COG7: variants seen among roughly 807,000 people sequenced by gnomAD.
COG7 encodes conserved oligomeric Golgi complex subunit 7.
COG7 carries 49 observed loss-of-function variants against 91.5 expected under a neutral mutation model. That is an observed-to-expected ratio of 0.54 (90% confidence interval 0.43 to 0.68). The LOEUF (loss-of-function observed/expected upper bound fraction) is 0.68, where lower values mean the gene tolerates loss of function less well. Among genes scored for constraint, COG7 ranks in the 30% least tolerant of loss-of-function variants. The pLI is 0.00. For missense variants in COG7, 895 were observed against 961.3 expected (o/e 0.93, Z 0.91); for synonymous variants, 365 against 388.7 (o/e 0.94, Z 0.72).
intron 10 of COG7, among the ~76,000 whole-genome samples, chr16:23,411,460 A>G (rs954767435): frequency 6.6e-6 from 1 of 152,200 alleles, no homozygotes; most frequent in Non-Finnish European, 1.5e-5. Context: ...ATACCAAACC[A>G]CCACGGGTGA....
At chr16:23,438,094 A>G (rs1308445390) in intron 4 of COG7, among the ~76,000 whole-genome samples, 1 of 152,088 alleles carries the variant, frequency 6.6e-6, no homozygotes, top group Non-Finnish European at 1.5e-5. Flanking sequence ...AAAAAAAAAA[A>G]AAAAAAATTA....
intron 8 of COG7, chr16:23,417,418 TC>T: frequency 2.3e-6 from 1 of 425,730 alleles, no homozygotes; most frequent in South Asian, 2.1e-5. Flanking sequence ...TGGCATCTCT[TC>T]CTCTGGCTCT....
At chr16:23,398,421 T>A (rs1358497583) in intron 13 of COG7, among the ~76,000 whole-genome samples, 1 of 152,264 alleles carries the variant, frequency 6.6e-6, no homozygotes, top group East Asian at 1.9e-4. Context: ...CCCTTTCATT[T>A]ATCTCGCTGA....
rs2142072553 is a variant in COG7 at position 23,413,271 on chromosome 16, GT to G, written c.1409+176del. 4 of 601,976 alleles carry G rather than the reference GT, an allele frequency of 6.6e-6. No homozygotes were observed. The South Asian group carries it at 7.5e-5, about 11-fold the overall frequency. The allele number at this position is 601,976 out of a possible 1,614,324, so 37.3% of individuals were successfully genotyped here. On this transcript the variant is annotated intron_variant, in intron 10 of 16. Transcript: ENST00000307149. ...GCTGGAGGGGTCTTTTTGTTGGTTG[GT>G]TTGGGTTGGGTTTTATTGGTTTGTG...
chr16:23,425,525 A>G (rs1419610512), intron 6 of COG7, among the ~76,000 whole-genome samples: 1 of 151,978 alleles, frequency 6.6e-6, no homozygotes, highest in African/African-American at 2.4e-5. Flanking sequence ...TTTTTTGTAG[A>G]GACGGGGTCT....
chr16:23,448,523 GCTGGTCTGGAACTC>G (rs1447634514), intron 1 of COG7, among the ~76,000 whole-genome samples: 2 of 152,072 alleles, frequency 1.3e-5, no homozygotes, highest in African/African-American at 4.8e-5. Flanking sequence ...GTCTGGAACT[GCTGGTCTGGAACTC>G]CTGGCCTCGA....
chr16:23,448,748 C>G (rs1055848188), intron 1 of COG7, among the ~76,000 whole-genome samples: 6 of 152,170 alleles, frequency 3.9e-5, no homozygotes, highest in African/African-American at 1.4e-4. Flanking sequence ...GGCCTGGGCT[C>G]TGGAGCCAAC....
intron 3 of COG7, among the ~76,000 whole-genome samples, chr16:23,444,068 C>T (rs1596956581): frequency 1.3e-5 from 2 of 151,562 alleles, no homozygotes; most frequent in Non-Finnish European, 2.9e-5. Context: ...AGGATAATCA[C>T]TTGAACCCAG....
At chr16:23,398,576 C>G (rs574229034) in intron 13 of COG7, among the ~76,000 whole-genome samples, 3 of 152,280 alleles carry the variant, frequency 2.0e-5, no homozygotes, top group Admixed American at 6.5e-5. Context: ...CCTGAGGTCC[C>G]CCACAGAGGC....
intron 6 of COG7, among the ~76,000 whole-genome samples, chr16:23,425,801 C>G (rs995200128): frequency 6.6e-6 from 1 of 152,208 alleles, no homozygotes; most frequent in Non-Finnish European, 1.5e-5. Flanking sequence ...GAACTTGCAA[C>G]TTGCCTAGAA....
intron 4 of COG7, among the ~76,000 whole-genome samples, chr16:23,436,299 C>T (rs186274845): frequency 9.2e-5 from 14 of 152,278 alleles, no homozygotes; most frequent in Admixed American, 7.2e-4. Context: ...TAAAAAGTTG[C>T]TTCAGTGTAT....
chr16:23,418,066 A>G (rs1410138396), intron 8 of COG7, among the ~76,000 whole-genome samples: 1 of 152,228 alleles, frequency 6.6e-6, no homozygotes, highest in African/African-American at 2.4e-5. Flanking sequence ...ATTGCCCATG[A>G]GTGCTAAGAT....
At chr16:23,442,436 TAGAG>T in intron 4 of COG7, 37 bp downstream of exon 4, 1 of 1,591,812 alleles carries the variant, frequency 6.3e-7, no homozygotes, top group Non-Finnish European at 8.6e-7. Context: ...CTTATCTTTA[TAGAG>T]AGATATACAC....
intron 7 of COG7, among the ~76,000 whole-genome samples, chr16:23,421,400 TTAA>T (rs1403325889): frequency 6.6e-6 from 1 of 150,648 alleles, no homozygotes; most frequent in African/African-American, 2.4e-5. Context: ...TTCTATATCA[TTAA>T]TTCTTATAAT....
intron 1 of COG7, 141 bp from the exon 2 acceptor site, chr16:23,446,102 C>A: frequency 3.0e-6 from 3 of 1,011,384 alleles, no homozygotes; most frequent in Non-Finnish European, 4.4e-6. Flanking sequence ...GTTTTTGGAG[C>A]CTGCAGAAAA....
At chr16:23,436,049 C>T (rs1317864803) in intron 4 of COG7, among the ~76,000 whole-genome samples, 1 of 151,966 alleles carries the variant, frequency 6.6e-6, no homozygotes, top group Non-Finnish European at 1.5e-5. Context: ...ATGTCCTAGG[C>T]AACACAGGAC....
At chr16:23,442,196 T>G (rs1271660356) in intron 4 of COG7, among the ~76,000 whole-genome samples, 2 of 151,904 alleles carry the variant, frequency 1.3e-5, no homozygotes, top group Non-Finnish European at 2.9e-5. Context: ...TACCTGGGTG[T>G]GGTGGCACAC....
chr16:23,393,125 A>C (rs878896216), intron 15 of COG7, 108 bp downstream of exon 15: 2 of 790,102 alleles, frequency 2.5e-6, no homozygotes, highest in Non-Finnish European at 4.4e-6. Flanking sequence ...GTTAAAAAAA[A>C]ACAGGACTTG....
intron 6 of COG7, among the ~76,000 whole-genome samples, chr16:23,426,627 C>A (rs1963849818): frequency 6.6e-6 from 1 of 151,800 alleles, no homozygotes; most frequent in South Asian, 2.1e-4. Flanking sequence ...AAATTCCATA[C>A]CCTTCATGAG....
Sources: gnomAD v4.1 joint callset for allele counts (sites outside exome capture counted in the v4.1 genomes callset) on GRCh38, gnomAD v4.1.1 for gene constraint, MANE v1.5 for transcripts, NCBI Gene and HGNC (gene_info 2026-07-23, HGNC 2026-07-21) for gene names.